Variants in FAM178B observed in about 807,000 individuals in gnomAD.
The protein encoded by FAM178B is protein FAM178B.
In FAM178B, 82 loss-of-function variants were observed where a neutral mutation model predicts 91.7. The observed-to-expected ratio is 0.89, with a 90% confidence interval of 0.75 to 1.07. The LOEUF (loss-of-function observed/expected upper bound fraction) is 1.07. FAM178B is among the 50% of genes least tolerant of loss of function. The pLI is 0.00. For synonymous variants in FAM178B, 368 were observed against 359.4 expected, an observed-to-expected ratio of 1.02 and a Z score of -0.27; for missense variants, 769 against 846.7, an observed-to-expected ratio of 0.91 and a Z score of 1.14.
At chr2:96,981,751 A>AAGG (rs3054566) in intron 1 of FAM178B, among the ~76,000 whole-genome samples, 3 of 130,274 alleles carry the variant, frequency 2.3e-5, no homozygotes, top group Non-Finnish European at 4.8e-5. Flanking sequence ...AAAAAAAAAA[A>AAGG]AAAAAAAAAA....
intron 5 of FAM178B, among the ~76,000 whole-genome samples, chr2:96,965,249 T>C (rs933661375): frequency 3.3e-5 from 5 of 151,950 alleles, no homozygotes; most frequent in Non-Finnish European, 7.4e-5. Flanking sequence ...CTCAAGTGAT[T>C]CACCTGCTTC....
chr2:96,884,593 G>T (rs2080470488), intron 14 of FAM178B, among the ~76,000 whole-genome samples: 1 of 152,236 alleles, frequency 6.6e-6, no homozygotes, highest in African/African-American at 2.4e-5. Context: ...GAGCTTAGGT[G>T]ACTGGTGTGT....
At chr2:96,904,541 A>AT (rs11284849) in intron 12 of FAM178B, among the ~76,000 whole-genome samples, 2,024 of 96,672 alleles carry the variant, frequency 0.021, 41 homozygotes, top group Non-Finnish European at 0.028. Flanking sequence ...ATGCCTGGCT[A>AT]TTTTTTTTTT....
At chr2:96,965,963 T>C (rs1043056004) in intron 5 of FAM178B, among the ~76,000 whole-genome samples, 1 of 152,032 alleles carries the variant, frequency 6.6e-6, no homozygotes, top group African/African-American at 2.4e-5. Context: ...GTCATTACTT[T>C]TGGATTCCTG....
At chr2:96,884,227 C>T (rs1354648927) in intron 14 of FAM178B, among the ~76,000 whole-genome samples, 2 of 152,108 alleles carry the variant, frequency 1.3e-5, no homozygotes, top group African/African-American at 4.8e-5. Flanking sequence ...CTGATGTGCA[C>T]GACCCTGTGT....
intron 13 of FAM178B, among the ~76,000 whole-genome samples, chr2:96,894,804 C>A (rs2080782929): frequency 1.0e-5 from 1 of 96,372 alleles, no homozygotes; most frequent in Non-Finnish European, 2.1e-5. Flanking sequence ...CACACACACT[C>A]ACCCACATAC....
chr2:96,980,408 G>T lies in FAM178B; in HGVS notation c.73+5833C>A, dbSNP rs553131228. 1.8e-3 allele frequency among the ~76,000 whole-genome samples: 268 copies of T among 151,728 alleles called. 2 individuals are homozygous for T. The highest frequency in any genetic ancestry group is 2.2e-3 in the Non-Finnish European group (152 of 67,934). On this transcript the variant is annotated intron_variant, in intron 1 of 16. Transcript: ENST00000490605. Reference sequence around the variant, plus strand: ...GTAATTTAAAATTTAATTTTAAAAAGAATTTTGGAGATGAGGTCTTGCTCT... The same window carrying T: ...GTAATTTAAAATTTAATTTTAAAAATAATTTTGGAGATGAGGTCTTGCTCT...
At chr2:96,921,291 C>G (rs938823300) in intron 11 of FAM178B, 29 bp from the exon 12 acceptor site, 12 of 1,546,558 alleles carry the variant, frequency 7.8e-6, no homozygotes, top group Non-Finnish European at 1.1e-5. Flanking sequence ...CCATGGGCTA[C>G]AGGAGGACAC....
intron 1 of FAM178B, among the ~76,000 whole-genome samples, chr2:96,973,006 C>G (rs1443215007): frequency 6.6e-6 from 1 of 151,760 alleles, no homozygotes. Flanking sequence ...GAGGTCAAGC[C>G]CAGCCTGGGC....
chr2:96,894,160 C>G, intron 13 of FAM178B, 109 bp from the exon 14 acceptor site: 1 of 1,340,392 alleles, frequency 7.5e-7, no homozygotes, highest in African/African-American at 1.5e-5. Context: ...TGTTAGGGCA[C>G]TGGCTTCTGA....
At chr2:96,930,724 C>G (rs975500881) in intron 8 of FAM178B, among the ~76,000 whole-genome samples, 1 of 152,166 alleles carries the variant, frequency 6.6e-6, no homozygotes, top group South Asian at 2.1e-4. Context: ...GTATAGCCTC[C>G]AAAGCTCATA....
At chr2:96,887,795 T>C (rs1381969882) in intron 14 of FAM178B, among the ~76,000 whole-genome samples, 1 of 152,070 alleles carries the variant, frequency 6.6e-6, no homozygotes, top group African/African-American at 2.4e-5. Flanking sequence ...GGTAGAGTGT[T>C]AGGTTGGAAG....
intron 16 of FAM178B, among the ~76,000 whole-genome samples, chr2:96,876,880 G>T (rs1038730752): frequency 1.3e-5 from 2 of 152,108 alleles, no homozygotes; most frequent in Admixed American, 1.3e-4. Flanking sequence ...GAGAGATGGG[G>T]CCGGAAGGGA....
chr2:96,876,416 T>C, intron 16 of FAM178B, 108 bp from the exon 17 acceptor site: 11 of 1,392,762 alleles, frequency 7.9e-6, no homozygotes, highest in Non-Finnish European at 1.1e-5. Context: ...CGCAGGCTCA[T>C]GCCAGGGGCC....
At chr2:96,891,776 G>A (rs2080687563) in intron 14 of FAM178B, among the ~76,000 whole-genome samples, 1 of 152,162 alleles carries the variant, frequency 6.6e-6, no homozygotes, top group African/African-American at 2.4e-5. Flanking sequence ...GCTGGAGGAG[G>A]GCTGTGACCC....
At chr2:96,981,197 C>T (rs888163925) in intron 1 of FAM178B, among the ~76,000 whole-genome samples, 1 of 152,102 alleles carries the variant, frequency 6.6e-6, no homozygotes, top group African/African-American at 2.4e-5. Context: ...AACTCCTGGC[C>T]TCAAGGGATC....
intron 13 of FAM178B, among the ~76,000 whole-genome samples, chr2:96,901,105 G>A (rs1453713448): frequency 6.6e-6 from 1 of 151,918 alleles, no homozygotes; most frequent in East Asian, 1.9e-4. Flanking sequence ...CGTCCTCTGA[G>A]CTGCCAGGAG....
chr2:96,972,503 G>A (rs1385363270), intron 2 of FAM178B, 35 bp downstream of exon 2: 1 of 1,547,130 alleles, frequency 6.5e-7, no homozygotes, highest in African/African-American at 1.4e-5. Flanking sequence ...CCAAACCTCA[G>A]TGGGGATTTA....
At chr2:96,957,386 C>T (rs2082014245) in intron 6 of FAM178B, among the ~76,000 whole-genome samples, 1 of 152,162 alleles carries the variant, frequency 6.6e-6, no homozygotes, top group Non-Finnish European at 1.5e-5. Context: ...AGTCACACAG[C>T]GGGCATTCCC....
Sources: allele counts gnomAD v4.1 joint callset (sites outside exome capture counted in the v4.1 genomes callset), GRCh38; gene constraint gnomAD v4.1.1; transcripts MANE v1.5; gene names NCBI Gene and HGNC (gene_info 2026-07-23, HGNC 2026-07-21).